Variants in ANKRD12 observed in about 807,000 individuals in gnomAD.
ANKRD12 encodes the protein ankyrin repeat domain-containing protein 12.
Under a neutral mutation model 183.4 loss-of-function variants are expected in ANKRD12, and 85 were observed. The ratio of observed to expected loss-of-function variants is 0.46; its 90% CI spans 0.39 to 0.56. ANKRD12 has a LOEUF of 0.56. Among genes scored for constraint, ANKRD12 ranks in the 20% least tolerant of loss-of-function variants. ANKRD12 has a pLI of 0.00. For missense variants in ANKRD12, 2,405 were observed against 2,357.1 expected (o/e 1.02, Z -0.42); for synonymous variants, 914 against 800.2 (o/e 1.14, Z -2.40).
At chr18:9,208,171 T>A (rs2035590775) in intron 4 of ANKRD12, among the ~76,000 whole-genome samples, 1 of 152,214 alleles carries the variant, frequency 6.6e-6, no homozygotes, top group African/African-American at 2.4e-5. Context: ...TTTCGATAGT[T>A]GTTCTGTGTG....
In ANKRD12 at chr18:9,257,269, C is replaced by T; in HGVS notation, c.4002C>T (p.Ser1334=). Residue 1334 remains serine (S), a synonymous_variant, in exon 9 of 13, where the codon AGC becomes AGT. Transcript: ENST00000262126. ...TATCAGAAGAGAGCAATCAAGGTAG[C>T]TTATTAACTGTGCCAGGAGATACTA... ...QTISEESNQG[S]LLTVPGDTSP... 6.2e-7 allele frequency: 1 copy of T among 1,614,138 alleles called. No individual in the cohort carries two copies. The highest frequency in any genetic ancestry group is 8.5e-7 in the Non-Finnish European group (1 of 1,179,994).
intron 8 of ANKRD12, among the ~76,000 whole-genome samples, chr18:9,253,146 A>C (rs568322170): frequency 2.0e-5 from 3 of 152,178 alleles, no homozygotes; most frequent in Non-Finnish European, 4.4e-5. Flanking sequence ...CAAGTATACA[A>C]TGTGTAAAAA....
chr18:9,264,963 A>G (rs1266663185), intron 10 of ANKRD12, among the ~76,000 whole-genome samples: 1 of 152,246 alleles, frequency 6.6e-6, no homozygotes, highest in African/African-American at 2.4e-5. Flanking sequence ...AGCAAACGGC[A>G]TACCAGGAGA....
At chr18:9,179,560 G>T (rs1258985981) in intron 1 of ANKRD12, among the ~76,000 whole-genome samples, 1 of 152,150 alleles carries the variant, frequency 6.6e-6, no homozygotes, top group African/African-American at 2.4e-5. Flanking sequence ...CTGTCACCCA[G>T]ACTGGAGTGC....
rs190623913 is a variant in ANKRD12, at chr18:9,184,714, C to T, written c.87+2195C>T. ...TAAGTAGCTTTATTGAGATATAATT[C>T]GCATGCCATACATTTAAAGTATACA... On this transcript the variant is annotated intron_variant, in intron 2 of 12. Transcript: ENST00000262126. Among the ~76,000 whole-genome samples, 77 of 152,104 alleles carry T rather than the reference C, an allele frequency of 5.1e-4. 1 individual carries two copies. The highest frequency in any genetic ancestry group is 3.5e-3 in the Admixed American group (53 of 15,294).
intron 1 of ANKRD12, among the ~76,000 whole-genome samples, chr18:9,175,788 A>G (rs769752762): frequency 6.6e-6 from 1 of 151,994 alleles, no homozygotes; most frequent in Non-Finnish European, 1.5e-5. Flanking sequence ...TTGGCCTCCC[A>G]AAGTGCTAGA....
chr18:9,205,176 T>A (rs1430305510), intron 4 of ANKRD12, among the ~76,000 whole-genome samples: 1 of 152,140 alleles, frequency 6.6e-6, no homozygotes, highest in Non-Finnish European at 1.5e-5. Flanking sequence ...CCAGATAGAA[T>A]ACAAGAGGAT....
chr18:9,185,626 G>A (rs563285083), intron 2 of ANKRD12, among the ~76,000 whole-genome samples: 10 of 152,240 alleles, frequency 6.6e-5, no homozygotes, highest in South Asian at 4.1e-4. Flanking sequence ...AAATATATGA[G>A]GATATGTAGA....
At chr18:9,209,461 A>C (rs187840119) in intron 5 of ANKRD12, among the ~76,000 whole-genome samples, 2 of 152,330 alleles carry the variant, frequency 1.3e-5, no homozygotes, top group Admixed American at 1.3e-4. Flanking sequence ...GTTACGTAAC[A>C]GTCCATGTTG....
intron 10 of ANKRD12, among the ~76,000 whole-genome samples, chr18:9,271,250 A>C (rs2039587101): frequency 6.6e-6 from 1 of 152,024 alleles, no homozygotes; most frequent in African/African-American, 2.4e-5. Context: ...TTTTTAAAAA[A>C]ATTTTTGCCA....
At chr18:9,262,995 C>T (rs1054002835) in intron 9 of ANKRD12, among the ~76,000 whole-genome samples, 31 of 151,690 alleles carry the variant, frequency 2.0e-4, no homozygotes, top group African/African-American at 7.3e-4. Flanking sequence ...GACAGGACTT[C>T]ACCATTTAAT....
chr18:9,155,324 T>C (rs976211339), intron 1 of ANKRD12, among the ~76,000 whole-genome samples: 5 of 152,240 alleles, frequency 3.3e-5, no homozygotes, highest in Admixed American at 3.3e-4. Flanking sequence ...TGCTTGAAGA[T>C]AATTTTCAGG....
rs2038617131 is a variant in ANKRD12 at position 9,256,262 on chromosome 18, T to A, written c.2995T>A (p.Ser999Thr). 5 of 1,603,402 alleles carry A rather than the reference T, an allele frequency of 3.1e-6. No homozygotes were observed. Among genetic ancestry groups the A allele is most frequent in the Non-Finnish European group, 3.4e-6 (4 of 1,176,878 alleles). The change falls in exon 9 of 13, where the codon TCC becomes ACC. Residue 999 changes from serine to threonine, a missense_variant. Ser to Thr is a moderately conservative substitution (Grantham distance 58). Around this residue, in one of 7 missense-constraint regions of ANKRD12, gnomAD observed 1,983 missense variants for 1,725.9 expected, o/e 1.15. Transcript: ENST00000262126. ...TAAAGCACAACATGAAAAACCCTTA[T>A]CCCTTAAAGAAAAAACAAAAGATGA... The part of the protein sequence containing the change: ...GNKAQHEKPL[S>T]LKEKTKDEPL...
At position 9,167,762 on chromosome 18, in the gene ANKRD12, G is replaced by A. The variant is rs543048007; in HGVS notation, c.-51-14620G>A. 3.4e-3 allele frequency among the ~76,000 whole-genome samples: 519 copies of A among 152,296 alleles called. 7 individuals carry two copies. The highest frequency in any genetic ancestry group is 0.026 in the South Asian group (127 of 4,818). ...ACAACTTCCAACACTGTGTTGAATA[G>A]GAGTGGTGAGGGAGGGCATCTCTGT... On this transcript the variant is annotated intron_variant, in intron 1 of 12. Coordinates refer to ENST00000262126, the MANE Select transcript of ANKRD12 (RefSeq NM_015208.5).
Position 9,256,593 on chromosome 18 carries a change from G to C in ANKRD12, c.3326G>C (p.Arg1109Pro). ...KEKIKQKEKE[R>P]LRNRNCLELK... ...AAAATTAAGCAAAAAGAAAAGGAAC[G>C]GTTGAGAAACCGAAACTGTTTAGAA... The change falls in exon 9 of 13, where the codon CGG becomes CCG. Residue 1109 changes from arginine to proline, a missense_variant. Arg to Pro is a moderately radical substitution (Grantham distance 103). Around this residue, in one of 7 missense-constraint regions of ANKRD12, gnomAD observed 1,983 missense variants for 1,725.9 expected, o/e 1.15. Coordinates refer to ENST00000262126, the MANE Select transcript of ANKRD12 (RefSeq NM_015208.5). 1 of 1,601,132 alleles carries C rather than the reference G, an allele frequency of 6.2e-7. No individual in the cohort carries two copies. The highest frequency in any genetic ancestry group is 8.5e-7 in the Non-Finnish European group (1 of 1,177,028).
chr18:9,203,731 A>G (rs1206950662), intron 3 of ANKRD12, among the ~76,000 whole-genome samples: 3 of 152,142 alleles, frequency 2.0e-5, no homozygotes, highest in African/African-American at 7.2e-5. Context: ...CAGCCTCCCA[A>G]GTAGGTGGGA....
intron 3 of ANKRD12, among the ~76,000 whole-genome samples, chr18:9,203,024 T>C (rs923737550): frequency 2.0e-5 from 3 of 152,246 alleles, no homozygotes; most frequent in Admixed American, 6.5e-5. Flanking sequence ...ATTCATTTAA[T>C]CCAATTGGCA....
At position 9,254,544 on chromosome 18, in the gene ANKRD12, C is replaced by A; in HGVS notation, c.1277C>A (p.Thr426Asn). The change falls in exon 9 of 13, where the codon ACT becomes AAT. Residue 426 changes from threonine (T) to asparagine (N), a missense_variant. Thr to Asn is a moderately conservative substitution (Grantham distance 65, BLOSUM62 0). This residue lies in a region of ANKRD12 where 1,983 missense variants were observed against 1,725.9 expected (regional missense o/e 1.15). Coordinates refer to ENST00000262126, the MANE Select transcript of ANKRD12 (RefSeq NM_015208.5). Reference sequence around the variant, plus strand: ...CCATCTAGGGTCTTATATTCAAGTACTGAAAGTTCTGATGAAGAAGCTCTT... The same window carrying A: ...CCATCTAGGGTCTTATATTCAAGTAATGAAAGTTCTGATGAAGAAGCTCTT... ...QKPSRVLYSS[T>N]ESSDEEALQN... The A allele has an allele frequency of 6.4e-7, 1 of 1,553,386 alleles. No individual in the cohort carries two copies. The highest frequency in any genetic ancestry group is 8.7e-7 in the Non-Finnish European group (1 of 1,155,830).
intron 1 of ANKRD12, among the ~76,000 whole-genome samples, chr18:9,142,062 A>G (rs899800335): frequency 3.3e-5 from 5 of 152,154 alleles, no homozygotes; most frequent in African/African-American, 7.2e-5. Context: ...TTACCTTGCT[A>G]TATAGTCTCT....
Sources: gnomAD v4.1 joint callset for allele counts (sites outside exome capture counted in the v4.1 genomes callset) on GRCh38, gnomAD v4.1.1 for gene constraint, gnomAD v4.1.1 regional missense constraint, MANE v1.5 for transcripts, NCBI Gene and HGNC (gene_info 2026-07-23, HGNC 2026-07-21) for gene names.